Variants in CTXND1 observed in about 807,000 individuals in gnomAD.
The protein encoded by CTXND1 is cortexin domain-containing 1 protein.
In CTXND1 at chr15:80,199,762, C is replaced by T. The variant is rs1285114772; in HGVS notation, c.*2008G>A. ...TGAAATGCTGCCTGAAGAGCTGTGGCCTTGTCCACATTCAGGGGTCACCTA... is the reference window on the plus strand; with the variant it reads ...TGAAATGCTGCCTGAAGAGCTGTGGTCTTGTCCACATTCAGGGGTCACCTA... On this transcript the variant is annotated 3_prime_UTR_variant, in exon 3 of 3. Coordinates refer to ENST00000560778, the MANE Select transcript of CTXND1 (RefSeq NM_001352888.2). The T allele has an allele frequency of 1.3e-5, 2 of 152,238 alleles. No homozygotes were observed. The highest frequency in any genetic ancestry group is 2.9e-5 in the Non-Finnish European group (2 of 68,110). The allele number at this position is 152,238 out of a possible 1,614,324, so 9.4% of individuals were successfully genotyped here.
intron 1 of CTXND1, among the ~76,000 whole-genome samples, chr15:80,225,255 T>C (rs920201368): frequency 6.6e-6 from 1 of 152,360 alleles, no homozygotes; most frequent in African/African-American, 2.4e-5. Context: ...TATTATTTAC[T>C]AGCCTGGAAG....
At chr15:80,220,366 C>G (rs916808846) in intron 1 of CTXND1, among the ~76,000 whole-genome samples, 22 of 152,194 alleles carry the variant, frequency 1.4e-4, no homozygotes, top group African/African-American at 5.3e-4. Context: ...TAGTTTCCAT[C>G]TACATGAGTT....
At chr15:80,245,491 C>T (rs1001512757) in intron 1 of CTXND1, among the ~76,000 whole-genome samples, 2 of 152,144 alleles carry the variant, frequency 1.3e-5, no homozygotes, top group African/African-American at 2.4e-5. Context: ...CCTGATATGG[C>T]GGCCCAAGGC....
At chr15:80,215,369 C>G (rs1337368091) in intron 1 of CTXND1, among the ~76,000 whole-genome samples, 1 of 152,178 alleles carries the variant, frequency 6.6e-6, no homozygotes, top group Non-Finnish European at 1.5e-5. Context: ...CCAATATTGA[C>G]TATTTTGAAT....
chr15:80,242,281 G>A (rs1893577753), intron 1 of CTXND1, among the ~76,000 whole-genome samples: 1 of 152,190 alleles, frequency 6.6e-6, no homozygotes, highest in Non-Finnish European at 1.5e-5. Context: ...GGACTTGATG[G>A]CAAGTTAGAT....
chr15:80,209,925 C>A (rs962684945), intron 1 of CTXND1, among the ~76,000 whole-genome samples: 4 of 152,156 alleles, frequency 2.6e-5, no homozygotes, highest in African/African-American at 9.7e-5. Flanking sequence ...CCAATCAGGG[C>A]AATTTTTCAT....
intron 1 of CTXND1, among the ~76,000 whole-genome samples, chr15:80,213,760 T>C (rs924171189): frequency 6.6e-6 from 1 of 152,224 alleles, no homozygotes; most frequent in Non-Finnish European, 1.5e-5. Flanking sequence ...GAGCAACATC[T>C]TTAGGATTTT....
intron 1 of CTXND1, among the ~76,000 whole-genome samples, chr15:80,246,630 C>T (rs1343394259): frequency 1.4e-5 from 1 of 72,572 alleles, no homozygotes; most frequent in Non-Finnish European, 2.9e-5. Flanking sequence ...GCAGAATGAA[C>T]TGTGGACTTT....
intron 1 of CTXND1, among the ~76,000 whole-genome samples, chr15:80,208,767 T>C (rs901986694): frequency 1.3e-5 from 2 of 152,132 alleles, no homozygotes; most frequent in Non-Finnish European, 1.5e-5. Flanking sequence ...CTCTATTTCA[T>C]AGATGAAGAG....
chr15:80,233,946 G>A (rs1595908909), intron 1 of CTXND1, among the ~76,000 whole-genome samples: 1 of 152,240 alleles, frequency 6.6e-6, no homozygotes, highest in East Asian at 1.9e-4. Context: ...GCAGGAATGG[G>A]GTCACCACCA....
intron 1 of CTXND1, among the ~76,000 whole-genome samples, chr15:80,246,960 G>A (rs936742877): frequency 6.6e-6 from 1 of 152,170 alleles, no homozygotes; most frequent in East Asian, 1.9e-4. Context: ...CCTGCTGTGT[G>A]ACAAGCACGG....
intron 1 of CTXND1, among the ~76,000 whole-genome samples, chr15:80,215,303 C>A (rs1893240709): frequency 6.6e-6 from 1 of 152,220 alleles, no homozygotes; most frequent in Non-Finnish European, 1.5e-5. Flanking sequence ...TTCCTCCTTG[C>A]CCCTTTGGGG....
chr15:80,245,612 C>T (rs188680966), intron 1 of CTXND1, among the ~76,000 whole-genome samples: 2 of 152,220 alleles, frequency 1.3e-5, no homozygotes, highest in East Asian at 3.9e-4. Context: ...TTGAGGCAGC[C>T]ACAGAGGCCC....
intron 1 of CTXND1, among the ~76,000 whole-genome samples, chr15:80,251,325 C>T (rs117613409): frequency 8.8e-4 from 134 of 152,256 alleles, no homozygotes; most frequent in Middle Eastern, 3.4e-3. Context: ...TCCACTGATA[C>T]GGAAAAATAT....
intron 1 of CTXND1, among the ~76,000 whole-genome samples, chr15:80,241,222 C>G (rs1175896712): frequency 6.6e-6 from 1 of 152,118 alleles, no homozygotes; most frequent in African/African-American, 2.4e-5. Flanking sequence ...ACTCCCTAGA[C>G]CACTCTCCAG....
intron 1 of CTXND1, among the ~76,000 whole-genome samples, chr15:80,220,349 C>T (rs1234329258): frequency 6.6e-6 from 1 of 152,164 alleles, no homozygotes; most frequent in Non-Finnish European, 1.5e-5. Context: ...ATTTGTAATG[C>T]CACTTCTAGT....
chr15:80,217,776 A>C (rs1260259768), intron 1 of CTXND1, among the ~76,000 whole-genome samples: 1 of 152,064 alleles, frequency 6.6e-6, no homozygotes, highest in African/African-American at 2.4e-5. Context: ...CGAACTCCTG[A>C]GCTCGAGCAA....
At chr15:80,226,948 T>C (rs1893378680) in intron 1 of CTXND1, among the ~76,000 whole-genome samples, 1 of 152,230 alleles carries the variant, frequency 6.6e-6, no homozygotes, top group Non-Finnish European at 1.5e-5. Flanking sequence ...TCTGAAATCC[T>C]GCCACATGAG....
intron 1 of CTXND1, among the ~76,000 whole-genome samples, chr15:80,234,430 A>G (rs1893469592): frequency 6.6e-6 from 1 of 151,600 alleles, no homozygotes; most frequent in Non-Finnish European, 1.5e-5. Flanking sequence ...TGTATTATAC[A>G]CAGCATCCTG....
Sources: allele counts gnomAD v4.1 joint callset (sites outside exome capture counted in the v4.1 genomes callset), GRCh38; gene constraint gnomAD v4.1.1; transcripts MANE v1.5; gene names NCBI Gene and HGNC (gene_info 2026-07-23, HGNC 2026-07-21).